Variants in PASK observed in about 807,000 individuals in gnomAD.
The protein encoded by PASK is PAS domain-containing serine/threonine-protein kinase.
Under a neutral mutation model 121.0 loss-of-function variants are expected in PASK, and 110 were observed. The ratio of observed to expected loss-of-function variants is 0.91; its 90% CI spans 0.78 to 1.06. PASK has a LOEUF of 1.06. Among genes scored for constraint, PASK ranks in the 50% least tolerant of loss-of-function variants. The pLI, the probability that PASK is intolerant of heterozygous loss-of-function variation, is 0.00. For synonymous variants in PASK, 686 were observed against 717.8 expected (o/e 0.96, Z 0.71); for missense variants, 1,643 against 1,702.3 (o/e 0.97, Z 0.61).
chr2:241,138,737 T>C lies in PASK; in HGVS notation c.658A>G (p.Met220Val), dbSNP rs1227061149. ...KIPVSVWMKRMRQERRLCCVV... is the reference protein window; with the variant it reads ...KIPVSVWMKRVRQERRLCCVV... Reference sequence around the variant, plus strand: ...CAGCATAGGCGGCGCTCCTGCCGCATCCTCTTCATCCACACAGACACTGGA... The same window carrying C: ...CAGCATAGGCGGCGCTCCTGCCGCACCCTCTTCATCCACACAGACACTGGA... Residue 220 changes from methionine (M) to valine (V), a missense_variant, in exon 5 of 18, where the codon ATG (methionine) becomes GTG (valine). Coordinates refer to ENST00000234040, the MANE Select transcript of PASK (RefSeq NM_015148.4). 7.4e-6 allele frequency: 12 copies of C among 1,614,118 alleles called. No homozygotes were observed. The highest frequency in any genetic ancestry group is 9.3e-6 in the Non-Finnish European group (11 of 1,179,982).
At chr2:241,149,690 C>T (rs1377063340), upstream of PASK, 4 of 1,550,058 alleles carry the variant, frequency 2.6e-6, no homozygotes, top group South Asian at 1.2e-5. Flanking sequence ...GGTTTCCTCC[C>T]GACTCGCGAT....
rs755241683 is a variant in PASK at position 241,135,984 on chromosome 2, C to T, written c.1193G>A (p.Ser398Asn). The T allele has an allele frequency of 6.2e-7, 1 of 1,613,972 alleles. No homozygotes were observed. The stretch of plus-strand genomic sequence containing the variant: ...GGCCAGGTCTGGGAGCTGTAATGAG[C>T]TGTTGTACGCAAGGTCCATGTAGCT... Reference protein sequence around the residue: ...FYSYMDLAYNSSLQLPDLASC... With the variant: ...FYSYMDLAYNNSLQLPDLASC... Residue 398 changes from serine to asparagine, a missense_variant, in exon 8 of 18, where the codon AGC (serine) becomes AAC (asparagine). Around this residue, in one of 3 missense-constraint regions of PASK, gnomAD observed 1,176 missense variants for 1,162.2 expected, o/e 1.01. Transcript: ENST00000234040.
chr2:241,128,290 CAAA>C (rs1559380369), intron 9 of PASK, among the ~76,000 whole-genome samples: 1 of 152,004 alleles, frequency 6.6e-6, no homozygotes, highest in East Asian at 1.9e-4. Context: ...CAAACACAAA[CAAA>C]AAAAGAAGGG....
In PASK at chr2:241,138,637, C is replaced by G; in HGVS notation, c.741+17G>C. ...GCTCCAGCGTCCATGAGACATGAGG[C>G]AAAGTTGCACACTCACATCGCTCTG... is the stretch of plus-strand genomic sequence containing the variant. On this transcript the variant is annotated intron_variant, in intron 5 of 17. Coordinates refer to ENST00000234040, the MANE Select transcript of PASK (RefSeq NM_015148.4). The G allele has an allele frequency of 1.2e-5, 19 of 1,613,788 alleles. No homozygotes were observed. Among genetic ancestry groups the G allele is most frequent in the Non-Finnish European group, 1.6e-5 (19 of 1,180,000 alleles).
At chr2:241,140,394 G>C in intron 3 of PASK, 127 bp downstream of exon 3, 1 of 776,832 alleles carries the variant, frequency 1.3e-6, no homozygotes, top group South Asian at 1.5e-5. Flanking sequence ...CTGGGCTCAA[G>C]CAAACTTCCC....
Position 241,112,806 on chromosome 2 carries a change from G to A in PASK, c.3334-367C>T, listed in dbSNP as rs1284699584. The A allele has an allele frequency of 3.4e-6, 1 of 291,404 alleles. No individual in the cohort carries two copies. Among genetic ancestry groups the A allele is most frequent in the South Asian group, 3.3e-5 (1 of 29,974 alleles). 18.1% of individuals were successfully genotyped at this position (291,404 alleles called of 1,614,324 possible). A position where few individuals can be genotyped will look rare whatever the true frequency, so the allele number is the denominator to read the frequency against. On this transcript the variant is annotated intron_variant, in intron 14 of 17. Coordinates refer to ENST00000234040, the MANE Select transcript of PASK (RefSeq NM_015148.4). The surrounding 1 kb of genome is among the most constrained non-coding windows in gnomAD (Gnocchi z 5.2). Reference sequence around the variant, plus strand: ...AAAGCCACAGCTCAAAGACACTCATGGTGGGCAAGTGAATGGGTGCAGGTT... The same window carrying A: ...AAAGCCACAGCTCAAAGACACTCATAGTGGGCAAGTGAATGGGTGCAGGTT...
At chr2:241,145,745 C>T (rs539360035) in intron 1 of PASK, 38 of 151,732 alleles carry the variant, frequency 2.5e-4, no homozygotes, top group African/African-American at 8.2e-4. Flanking sequence ...CATGGTGGCA[C>T]ACACCTGTAT....
intron 9 of PASK, among the ~76,000 whole-genome samples, chr2:241,128,467 A>C (rs1424134318): frequency 1.3e-5 from 2 of 152,216 alleles, no homozygotes; most frequent in Non-Finnish European, 2.9e-5. Flanking sequence ...CAGCCCAGCC[A>C]CTGGCCTCCA....
chr2:241,107,072 CTT>C (rs2125397391), intron 17 of PASK, among the ~76,000 whole-genome samples: 1 of 152,346 alleles, frequency 6.6e-6, no homozygotes, highest in South Asian at 2.1e-4. Flanking sequence ...CTCAAACCAT[CTT>C]TGAGGGTTCC....
At chr2:241,132,009 C>T (rs1235800760) in intron 9 of PASK, among the ~76,000 whole-genome samples, 2 of 146,660 alleles carry the variant, frequency 1.4e-5, no homozygotes, top group African/African-American at 2.6e-5. Flanking sequence ...ACCAAGATCA[C>T]GCCACTGCAC....
rs374486422 is a variant in PASK, at chr2:241,120,538, AAAG to A, written c.3072+2191_3072+2193del. Among the ~76,000 whole-genome samples, 77 of 152,306 alleles carry A rather than the reference AAAG, an allele frequency of 5.1e-4. 2 individuals are homozygous for A. Among genetic ancestry groups the A allele is most frequent in the African/African-American group, 1.6e-3 (68 of 41,574 alleles). On this transcript the variant is annotated intron_variant, in intron 12 of 17. Transcript: ENST00000234040. Reference sequence around the variant, plus strand: ...AAAGGATCAGAACAGACATTTCTCCAAAGAAGATTTACAAACAGCCAATAAGAT... The same window carrying A: ...AAAGGATCAGAACAGACATTTCTCCAAAGATTTACAAACAGCCAATAAGAT...
upstream of PASK, chr2:241,149,872 C>T (rs757625609): frequency 4.8e-4 from 700 of 1,454,070 alleles, no homozygotes; most frequent in Non-Finnish European, 5.4e-4. Flanking sequence ...GCCCCGGAGC[C>T]AGCCAGCTGG....
chr2:241,131,673 G>A (rs11683184), intron 9 of PASK, among the ~76,000 whole-genome samples: 23,492 of 152,028 alleles, frequency 0.15, 2,769 homozygotes, highest in East Asian at 0.66. Context: ...AGTGCAGGAA[G>A]GGACCCAGGG....
intron 12 of PASK, among the ~76,000 whole-genome samples, chr2:241,117,171 C>T (rs747677377): frequency 1.4e-4 from 22 of 152,202 alleles, no homozygotes; most frequent in Non-Finnish European, 3.1e-4. Flanking sequence ...GGGCAACATC[C>T]AGGCCTCTCA....
intron 9 of PASK, among the ~76,000 whole-genome samples, chr2:241,129,707 T>C (rs1037095394): frequency 3.3e-5 from 5 of 152,244 alleles, no homozygotes; most frequent in Non-Finnish European, 7.3e-5. Context: ...CCAGCTGCCC[T>C]GGCAGCCAGG....
intron 8 of PASK, chr2:241,133,941 C>T (rs1433241110): frequency 6.7e-6 from 1 of 149,256 alleles, no homozygotes; most frequent in Non-Finnish European, 1.5e-5. Flanking sequence ...GAGATGGTGC[C>T]ACTGCACTCC....
chr2:241,123,011 T>G (rs1575268181), intron 11 of PASK, 112 bp from the exon 12 acceptor site: 2 of 933,976 alleles, frequency 2.1e-6, no homozygotes, highest in East Asian at 5.1e-5. Context: ...AGGTGTGCCC[T>G]GCACTCCAGT....
chr2:241,115,342 T>C lies in PASK; in HGVS notation c.3144A>G (p.Lys1048=), dbSNP rs755595595. The change falls in exon 13 of 18, where the codon AAA becomes AAG. Residue 1048 remains lysine (K), a synonymous_variant. Coordinates refer to ENST00000234040, the MANE Select transcript of PASK (RefSeq NM_015148.4). ...ATAGAATTGCGATCTCTAAAGTAAC[T>C]TTCCCAAGTTTGGGATCCTCAATCC... The part of the protein sequence containing the change: ...DCWIEDPKLG[K]VTLEIAILSR... 4 of 1,613,800 alleles carry C rather than the reference T, an allele frequency of 2.5e-6. No homozygotes were observed. The highest frequency in any genetic ancestry group is 3.4e-6 in the Non-Finnish European group (4 of 1,179,870).
chr2:241,141,585 C>T (rs1225152442), intron 2 of PASK, among the ~76,000 whole-genome samples: 4 of 152,138 alleles, frequency 2.6e-5, no homozygotes, highest in Non-Finnish European at 5.9e-5. Context: ...TCACCCATTC[C>T]TCGGTAGCTT....
Sources: allele counts gnomAD v4.1 joint callset (sites outside exome capture counted in the v4.1 genomes callset), GRCh38; gene constraint gnomAD v4.1.1; regional missense constraint gnomAD v4.1.1; non-coding constraint Gnocchi (gnomAD v3.1); transcripts MANE v1.5; gene names NCBI Gene and HGNC (gene_info 2026-07-23, HGNC 2026-07-21).